Variants in NLGN1 observed in about 807,000 individuals in gnomAD.
The protein encoded by NLGN1 is neuroligin 1, also known as neuroligin-1.
In NLGN1, 12 loss-of-function variants were observed where a neutral mutation model predicts 65.5. The ratio of observed to expected loss-of-function variants is 0.18; its 90% CI spans 0.12 to 0.30. The LOEUF is 0.30. Among genes scored for constraint, NLGN1 ranks in the 10% least tolerant of loss-of-function variants. The pLI, the probability that NLGN1 is intolerant of heterozygous loss-of-function variation, is 1.00. For missense variants in NLGN1, 750 were observed against 1,007.1 expected (o/e 0.74, Z 3.46); for synonymous variants, 350 against 359.5 (o/e 0.97, Z 0.30).
chr3:173,446,254 C>G, intron 2 of NLGN1, among the ~76,000 whole-genome samples: 1 of 151,526 alleles, frequency 6.6e-6, no homozygotes, highest in Non-Finnish European at 1.5e-5. Context: ...GTGATGTTCC[C>G]CTTCCTGTGT....
chr3:174,224,310 G>A (rs968429369), intron 4 of NLGN1, among the ~76,000 whole-genome samples: 2 of 152,148 alleles, frequency 1.3e-5, no homozygotes, highest in African/African-American at 2.4e-5. Flanking sequence ...GTTGTCAAAT[G>A]TTCTCAAATT....
At chr3:173,769,217 A>G (rs1418645896) in intron 3 of NLGN1, among the ~76,000 whole-genome samples, 1 of 152,076 alleles carries the variant, frequency 6.6e-6, no homozygotes, top group Non-Finnish European at 1.5e-5. Flanking sequence ...TCAGAATATC[A>G]TATTTACCAT....
exon 7 of NLGN1, chr3:174,283,226 A>G (rs1314678754): frequency 2.0e-5 from 3 of 151,508 alleles, no homozygotes; most frequent in African/African-American, 7.3e-5. Context: ...TTGAAGACAT[A>G]TAGGTAACTT....
At chr3:173,504,382 C>T (rs1036118255) in intron 2 of NLGN1, among the ~76,000 whole-genome samples, 9 of 151,976 alleles carry the variant, frequency 5.9e-5, no homozygotes, top group East Asian at 1.9e-4. Flanking sequence ...TGTGCTTTAG[C>T]GTTTTCAGAA....
chr3:173,571,769 T>G (rs574810409), intron 2 of NLGN1, among the ~76,000 whole-genome samples: 94 of 152,278 alleles, frequency 6.2e-4, no homozygotes, highest in East Asian at 7.7e-4. Flanking sequence ...TTTGTTGTTG[T>G]TGTTGGTGGT....
At chr3:173,947,138 C>T (rs1579349412) in intron 4 of NLGN1, among the ~76,000 whole-genome samples, 1 of 150,844 alleles carries the variant, frequency 6.6e-6, no homozygotes, top group South Asian at 2.1e-4. Context: ...CTCGGCTCAC[C>T]GCAACCTCTG....
chr3:173,891,175 C>T (rs1450963757), intron 4 of NLGN1, among the ~76,000 whole-genome samples: 1 of 152,140 alleles, frequency 6.6e-6, no homozygotes, highest in Non-Finnish European at 1.5e-5. Flanking sequence ...CAGGTAATGA[C>T]AGCAAAGCAC....
At chr3:173,405,731 G>C (rs1312451484) in intron 1 of NLGN1, among the ~76,000 whole-genome samples, 1 of 151,958 alleles carries the variant, frequency 6.6e-6, no homozygotes, top group Non-Finnish European at 1.5e-5. Context: ...AACAAATGAA[G>C]AGAACTAGAC....
intron 4 of NLGN1, among the ~76,000 whole-genome samples, chr3:174,042,566 T>C (rs925713100): frequency 5.9e-5 from 9 of 152,240 alleles, no homozygotes; most frequent in Non-Finnish European, 8.8e-5. Flanking sequence ...TCCGAACTTA[T>C]GTTTGATTGA....
Position 173,819,006 on chromosome 3 carries a change from A to G in NLGN1, c.646+11174A>G, listed in dbSNP as rs542213605. On this transcript the variant is annotated intron_variant, in intron 4 of 6. Coordinates refer to ENST00000457714, the Ensembl canonical transcript of NLGN1. Reference sequence around the variant, plus strand: ...CCACTTTTACTGATTTGCCTTTAAAATATAGTGCAATTTCATATGCCAAGA... The same window carrying G: ...CCACTTTTACTGATTTGCCTTTAAAGTATAGTGCAATTTCATATGCCAAGA... Among the ~76,000 whole-genome samples, 438 of 145,818 alleles carry G rather than the reference A, an allele frequency of 3.0e-3. 6 individuals carry two copies. Among genetic ancestry groups the G allele is most frequent in the African/African-American group, 0.01 (405 of 39,366 alleles).
chr3:174,031,944 A>C lies in NLGN1; in HGVS notation c.646+224112A>C, dbSNP rs184580188. Among the ~76,000 whole-genome samples the C allele has an allele frequency of 1.4e-4, 21 of 151,164 alleles. No individual in the cohort carries two copies. In the East Asian group the frequency reaches 4.1e-3, roughly 29 times the overall value. ...AAACTGCCAGGAAAGAAACAGCTTTAATAACAAAAAAAAATAGTTATTATA... is the reference window on the plus strand; with the variant it reads ...AAACTGCCAGGAAAGAAACAGCTTTCATAACAAAAAAAAATAGTTATTATA... On this transcript the variant is annotated intron_variant, in intron 4 of 6. Coordinates refer to ENST00000457714, the Ensembl canonical transcript of NLGN1.
intron 3 of NLGN1, among the ~76,000 whole-genome samples, chr3:173,664,166 A>G (rs923834117): frequency 2.0e-5 from 3 of 152,122 alleles, no homozygotes; most frequent in African/African-American, 7.2e-5. Flanking sequence ...AGCTAAAAGA[A>G]TGGTATTTTC....
At chr3:174,118,127 A>G (rs1716940697) in intron 4 of NLGN1, among the ~76,000 whole-genome samples, 1 of 152,146 alleles carries the variant, frequency 6.6e-6, no homozygotes, top group African/African-American at 2.4e-5. Flanking sequence ...AAATTCATAA[A>G]TTGTTTGAGC....
chr3:173,653,593 C>T (rs916772767), intron 3 of NLGN1, among the ~76,000 whole-genome samples: 2 of 152,052 alleles, frequency 1.3e-5, no homozygotes, highest in African/African-American at 2.4e-5. Flanking sequence ...ATGAAAACTT[C>T]GCATTTTTAT....
rs113863644 is a variant in NLGN1, at chr3:174,277,859, G to A, written c.860-1002G>A. ...CTCATTAATACATATGAATAATTAA[G>A]CATGTTTTTAAATAACTGAAGCACA... is the stretch of plus-strand genomic sequence containing the variant. On this transcript the variant is annotated intron_variant, in intron 5 of 6. Coordinates refer to ENST00000457714, the Ensembl canonical transcript of NLGN1. Among the ~76,000 whole-genome samples, 1,422 of 151,606 alleles carry A rather than the reference G, an allele frequency of 9.4e-3. 25 individuals are homozygous for A. The highest frequency in any genetic ancestry group is 0.033 in the African/African-American group (1,378 of 41,256).
intron 3 of NLGN1, among the ~76,000 whole-genome samples, chr3:173,776,298 A>T (rs992248628): frequency 3.3e-5 from 5 of 152,062 alleles, no homozygotes; most frequent in African/African-American, 9.7e-5. Flanking sequence ...CTCTCTAAAA[A>T]TATGAAAATA....
At chr3:173,433,302 G>C (rs535961289) in intron 1 of NLGN1, among the ~76,000 whole-genome samples, 1 of 152,192 alleles carries the variant, frequency 6.6e-6, no homozygotes, top group South Asian at 2.1e-4. Context: ...GTCTGAACTT[G>C]CCTCTCTTTG....
At chr3:173,927,244 A>G (rs970387999) in intron 4 of NLGN1, among the ~76,000 whole-genome samples, 5 of 151,988 alleles carry the variant, frequency 3.3e-5, no homozygotes, top group Admixed American at 2.6e-4. Flanking sequence ...TTGTATTTTT[A>G]GTAGAGATGG....
chr3:173,781,584 G>A (rs1205942487), intron 3 of NLGN1, among the ~76,000 whole-genome samples: 1 of 152,170 alleles, frequency 6.6e-6, no homozygotes, highest in Non-Finnish European at 1.5e-5. Context: ...CTGAGGATAG[G>A]TTTGGTTGAT....
Sources: allele counts gnomAD v4.1 joint callset (sites outside exome capture counted in the v4.1 genomes callset), GRCh38; gene constraint gnomAD v4.1.1; transcripts MANE v1.5; gene names NCBI Gene and HGNC (gene_info 2026-07-23, HGNC 2026-07-21).